ADGRB3: variants seen among roughly 807,000 people sequenced by gnomAD.
The protein encoded by ADGRB3 is brain-specific angiogenesis inhibitor 3.
In ADGRB3, 37 loss-of-function variants were observed where a neutral mutation model predicts 193.4. The observed-to-expected ratio is 0.19, with a 90% CI of 0.15 to 0.25. ADGRB3 has a LOEUF of 0.25. Among genes scored for constraint, ADGRB3 ranks in the 10% least tolerant of loss-of-function variants. The pLI is 1.00. For synonymous variants in ADGRB3, 690 were observed against 644.2 expected (o/e 1.07, Z -1.08); for missense variants, 1,637 against 1,852.9 (o/e 0.88, Z 2.14).
intron 3 of ADGRB3, among the ~76,000 whole-genome samples, chr6:68,820,728 T>A (rs1767733325): frequency 6.6e-6 from 1 of 152,018 alleles, no homozygotes; most frequent in Non-Finnish European, 1.5e-5. Context: ...CTCCCACAAA[T>A]GAGTAAGAGT....
chr6:69,085,605 A>G (rs942829619), intron 17 of ADGRB3, among the ~76,000 whole-genome samples: 60 of 151,950 alleles, frequency 3.9e-4, no homozygotes, highest in African/African-American at 1.4e-3. Context: ...TAAACAAAAG[A>G]CTGGACATTT....
At chr6:69,013,007 G>A (rs1373986654) in intron 11 of ADGRB3, among the ~76,000 whole-genome samples, 1 of 152,052 alleles carries the variant, frequency 6.6e-6, no homozygotes, top group Non-Finnish European at 1.5e-5. Context: ...ACACAGCCAA[G>A]CCACCACTGC....
chr6:69,008,627 A>G (rs990091956), intron 11 of ADGRB3, among the ~76,000 whole-genome samples: 1 of 152,096 alleles, frequency 6.6e-6, no homozygotes, highest in African/African-American at 2.4e-5. Flanking sequence ...AAGGGTAGTG[A>G]TGCATAGGGA....
chr6:68,739,234 G>A lies in ADGRB3; in HGVS notation c.757+99802G>A, dbSNP rs115654205. 3.2e-3 allele frequency among the ~76,000 whole-genome samples: 485 copies of A among 152,214 alleles called. 5 individuals are homozygous for A. The highest frequency in any genetic ancestry group is 0.011 in the African/African-American group (473 of 41,530). On this transcript the variant is annotated intron_variant, in intron 3 of 31. Coordinates refer to ENST00000370598, the MANE Select transcript of ADGRB3 (RefSeq NM_001704.3). ...AAGGGTAAATACGAAGAAAGGGATCGGAAGCAATGAGTAAGGAAAGATCTT... is the reference window on the plus strand; with the variant it reads ...AAGGGTAAATACGAAGAAAGGGATCAGAAGCAATGAGTAAGGAAAGATCTT...
intron 3 of ADGRB3, among the ~76,000 whole-genome samples, chr6:68,655,636 A>G (rs868560610): frequency 1.3e-5 from 2 of 151,830 alleles, no homozygotes; most frequent in Middle Eastern, 3.4e-3. Flanking sequence ...ACTCATGCAC[A>G]TGAGAAAAAA....
At chr6:69,063,973 TC>T (rs1448530450) in intron 16 of ADGRB3, among the ~76,000 whole-genome samples, 1 of 151,974 alleles carries the variant, frequency 6.6e-6, no homozygotes, top group Non-Finnish European at 1.5e-5. Context: ...AGTTGACCTT[TC>T]TTTACATTGA....
intron 3 of ADGRB3, among the ~76,000 whole-genome samples, chr6:68,776,607 A>G (rs1275761494): frequency 6.6e-6 from 1 of 152,178 alleles, no homozygotes; most frequent in East Asian, 1.9e-4. Flanking sequence ...TCAGGATGGC[A>G]CCGTGTGGGA....
At chr6:68,650,781 C>T (rs1768345820) in intron 3 of ADGRB3, among the ~76,000 whole-genome samples, 2 of 151,596 alleles carry the variant, frequency 1.3e-5, no homozygotes, top group South Asian at 4.2e-4. Context: ...TTTATTTTTC[C>T]TTTTTGTTTG....
At chr6:69,044,313 A>G (rs1156826328) in intron 13 of ADGRB3, among the ~76,000 whole-genome samples, 4 of 152,162 alleles carry the variant, frequency 2.6e-5, no homozygotes, top group African/African-American at 9.7e-5. Context: ...AATGCAACTG[A>G]TGCATCAAAT....
intron 3 of ADGRB3, among the ~76,000 whole-genome samples, chr6:68,672,977 C>T (rs746947712): frequency 1.1e-4 from 16 of 152,022 alleles, no homozygotes; most frequent in Non-Finnish European, 2.1e-4. Flanking sequence ...GCAGATTTTA[C>T]ACTTGCTAGC....
rs116273525 is a variant in ADGRB3 at position 69,353,416 on chromosome 6, T to C, written c.3460-817T>C. Among the ~76,000 whole-genome samples, 592 of 152,314 alleles carry C rather than the reference T, an allele frequency of 3.9e-3. 3 individuals carry two copies. Among genetic ancestry groups the C allele is most frequent in the African/African-American group, 0.013 (551 of 41,560 alleles). ...ATGTTTTGTTTTAAATCAGGGCACA[T>C]AGTACTTGAAGGGAGACAAGAGATA... On this transcript the variant is annotated intron_variant, in intron 26 of 31. Transcript: ENST00000370598.
At chr6:68,667,685 G>A (rs566278490) in intron 3 of ADGRB3, among the ~76,000 whole-genome samples, 1 of 151,652 alleles carries the variant, frequency 6.6e-6, no homozygotes, top group Non-Finnish European at 1.5e-5. Flanking sequence ...TGTTATTTTT[G>A]CCATATTCTA....
chr6:68,639,503 C>G, intron 3 of ADGRB3, 71 bp downstream of exon 3: 1 of 1,436,870 alleles, frequency 7.0e-7, no homozygotes, highest in Non-Finnish European at 9.2e-7. Context: ...CGTGCTGTTT[C>G]AACACACAGG....
intron 11 of ADGRB3, among the ~76,000 whole-genome samples, chr6:69,001,842 A>G (rs1325239917): frequency 6.6e-6 from 1 of 152,192 alleles, no homozygotes; most frequent in African/African-American, 2.4e-5. Context: ...AATGTTTTTG[A>G]CTGTGACTTG....
At chr6:69,318,836 G>GTA (rs1458996791) in intron 20 of ADGRB3, among the ~76,000 whole-genome samples, 31 of 143,820 alleles carry the variant, frequency 2.2e-4, no homozygotes, top group African/African-American at 5.3e-4. Flanking sequence ...AAGGGTGTGT[G>GTA]TATATATATA....
chr6:69,209,644 G>T (rs1015059024), intron 17 of ADGRB3, among the ~76,000 whole-genome samples: 3 of 152,216 alleles, frequency 2.0e-5, no homozygotes, highest in Admixed American at 1.3e-4. Flanking sequence ...CCTGAGGTAG[G>T]ACAGTAAAGG....
At chr6:68,857,586 G>A (rs1456854136) in intron 3 of ADGRB3, among the ~76,000 whole-genome samples, 1 of 152,174 alleles carries the variant, frequency 6.6e-6, no homozygotes, top group Non-Finnish European at 1.5e-5. Context: ...CAATGTCTCT[G>A]TACCTGCATT....
At chr6:69,039,149 T>C (rs1279234523) in intron 13 of ADGRB3, among the ~76,000 whole-genome samples, 2 of 151,640 alleles carry the variant, frequency 1.3e-5, no homozygotes, top group African/African-American at 4.9e-5. Flanking sequence ...TACTTAATAA[T>C]GGCTCCAAAG....
chr6:69,331,916 A>G lies in ADGRB3; in HGVS notation c.3103-1007A>G, dbSNP rs894047648. 7.1e-6 allele frequency: 7 copies of G among 985,286 alleles called. No homozygotes were observed. The African/African-American group carries it at 8.7e-5, about 12-fold the overall frequency. The allele number at this position is 985,286 out of a possible 1,614,324, so 61.0% of individuals were successfully genotyped here. On this transcript the variant is annotated intron_variant, in intron 23 of 31. Coordinates refer to ENST00000370598, the MANE Select transcript of ADGRB3 (RefSeq NM_001704.3). ...CTTGATTAAGTGGTATCTTGTCAGG[A>G]AACTATGAAGAGTGACTCTTCCTAA...
Sources: allele counts gnomAD v4.1 joint callset (sites outside exome capture counted in the v4.1 genomes callset), GRCh38; gene constraint gnomAD v4.1.1; transcripts MANE v1.5; gene names NCBI Gene and HGNC (gene_info 2026-07-23, HGNC 2026-07-21).